PDE1A: variants seen among roughly 807,000 people sequenced by gnomAD.
PDE1A encodes phosphodiesterase 1A.
Under a neutral mutation model 61.7 loss-of-function variants are expected in PDE1A, and 35 were observed. The ratio of observed to expected loss-of-function variants is 0.57; its 90% confidence interval spans 0.43 to 0.75. The LOEUF (loss-of-function observed/expected upper bound fraction) is 0.75, where lower values mean the gene tolerates loss of function less well. Ranked by LOEUF, PDE1A falls within the 30% of genes least tolerant of loss-of-function variation. PDE1A has a pLI of 0.00. For synonymous variants in PDE1A, 232 were observed against 213.2 expected, an observed-to-expected ratio of 1.09 and a Z score of -0.77; for missense variants, 597 against 630.6, an observed-to-expected ratio of 0.95 and a Z score of 0.57.
intron 1 of PDE1A, among the ~76,000 whole-genome samples, chr2:182,319,089 T>C (rs1372512246): frequency 6.6e-6 from 1 of 152,134 alleles, no homozygotes; most frequent in Non-Finnish European, 1.5e-5. Context: ...TTTTCCCATT[T>C]CGGTAATTTT....
intron 2 of PDE1A, among the ~76,000 whole-genome samples, chr2:182,435,983 T>C (rs981955981): frequency 6.6e-6 from 1 of 152,042 alleles, no homozygotes; most frequent in Non-Finnish European, 1.5e-5. Flanking sequence ...TAGACAGCAA[T>C]AGAGATAATC....
downstream of PDE1A, among the ~76,000 whole-genome samples, chr2:182,166,925 T>C (rs1331462374): frequency 1.3e-5 from 2 of 152,172 alleles, no homozygotes; most frequent in Non-Finnish European, 2.9e-5. Flanking sequence ...TAAAAGATGA[T>C]GTAGGAAAGC....
chr2:182,387,890 T>G lies in PDE1A; in HGVS notation c.53+38688A>C, dbSNP rs76550357. ...ATTAAATTCTCCAATAGAAAGACAC[T>G]GAATGGTTGAATGGATAAAAAAAGA... On this transcript the variant is annotated intron_variant, in intron 1 of 13. Transcript: ENST00000351439. 5.8e-3 allele frequency among the ~76,000 whole-genome samples: 878 copies of G among 152,118 alleles called. 6 individuals carry two copies. The highest frequency in any genetic ancestry group is 0.019 in the African/African-American group (804 of 41,494).
the PDE1A span, among the ~76,000 whole-genome samples, chr2:182,540,716 A>T: frequency 6.6e-6 from 1 of 152,168 alleles, no homozygotes; most frequent in South Asian, 2.1e-4. Context: ...ATATGTACAC[A>T]GTTTGTCGAA....
chr2:182,661,872 G>A, the PDE1A span, among the ~76,000 whole-genome samples: 2 of 151,958 alleles, frequency 1.3e-5, no homozygotes, highest in Admixed American at 6.6e-5. Flanking sequence ...AAGACTTTAC[G>A]GAATTACATT....
intron 13 of PDE1A, among the ~76,000 whole-genome samples, chr2:182,177,753 TG>T (rs143017222): frequency 0.2 from 30,197 of 151,988 alleles, 3,181 homozygotes; most frequent in East Asian, 0.31. Flanking sequence ...ATGTCTTTTT[TG>T]TTGCTCAGTT....
chr2:182,701,453 T>A, the PDE1A span, among the ~76,000 whole-genome samples: 2 of 131,252 alleles, frequency 1.5e-5, no homozygotes, highest in Admixed American at 1.7e-4. Context: ...CCATCTCAGC[T>A]CAATGCAACT....
At chr2:182,701,717 C>T in the PDE1A span, among the ~76,000 whole-genome samples, 5 of 151,984 alleles carry the variant, frequency 3.3e-5, no homozygotes, top group Admixed American at 2.0e-4. Flanking sequence ...GACTAAAGTA[C>T]CAGATTTGTC....
At chr2:182,462,426 C>G (rs1011907351) in intron 2 of PDE1A, among the ~76,000 whole-genome samples, 21 of 151,886 alleles carry the variant, frequency 1.4e-4, no homozygotes, top group Non-Finnish European at 2.8e-4. Context: ...TCAGCACCCT[C>G]AAACCAGACT....
chr2:182,258,212 A>G (rs1318388568), intron 2 of PDE1A, among the ~76,000 whole-genome samples: 1 of 152,086 alleles, frequency 6.6e-6, no homozygotes, highest in East Asian at 1.9e-4. Context: ...AAAAGTAAGC[A>G]TCTATCACTA....
intron 2 of PDE1A, among the ~76,000 whole-genome samples, chr2:182,503,831 C>A (rs996923722): frequency 6.6e-6 from 1 of 152,070 alleles, no homozygotes; most frequent in Non-Finnish European, 1.5e-5. Context: ...AGGTAGGGAT[C>A]GTATCTGGAC....
intron 1 of PDE1A, among the ~76,000 whole-genome samples, chr2:182,335,428 A>G (rs1182646680): frequency 6.6e-6 from 1 of 152,226 alleles, no homozygotes; most frequent in Non-Finnish European, 1.5e-5. Context: ...TTTATAGACC[A>G]ATGGAACAGA....
intron 1 of PDE1A, among the ~76,000 whole-genome samples, chr2:182,292,580 A>G (rs569583762): frequency 9.2e-5 from 14 of 152,138 alleles, no homozygotes; most frequent in South Asian, 2.1e-4. Context: ...CTCAGAATCT[A>G]TTCTCATCAA....
At chr2:182,465,891 G>A (rs1686626970) in intron 2 of PDE1A, among the ~76,000 whole-genome samples, 2 of 151,884 alleles carry the variant, frequency 1.3e-5, no homozygotes, top group African/African-American at 4.8e-5. Context: ...TTACTTTTGT[G>A]GCCCCAGTGT....
Position 182,368,018 on chromosome 2 carries a change from T to C in PDE1A, c.53+58560A>G, listed in dbSNP as rs151203966. 2.9e-3 allele frequency among the ~76,000 whole-genome samples: 446 copies of C among 152,140 alleles called. 3 individuals carry two copies. Among genetic ancestry groups the C allele is most frequent in the African/African-American group, 0.01 (425 of 41,532 alleles). On this transcript the variant is annotated intron_variant, in intron 1 of 13. Transcript: ENST00000351439. ...ACACACAAAAGGAGAGAGGTTAATA[T>C]AATGAATTACCATACATCCACCACT...
chr2:182,262,177 C>A (rs888295269), intron 2 of PDE1A, among the ~76,000 whole-genome samples: 1 of 149,644 alleles, frequency 6.7e-6, no homozygotes, highest in South Asian at 2.2e-4. Context: ...CTTTCTTTCC[C>A]TTTCTTTCCT....
At chr2:182,197,846 C>T (rs1382933843) in intron 10 of PDE1A, among the ~76,000 whole-genome samples, 1 of 151,866 alleles carries the variant, frequency 6.6e-6, no homozygotes, top group Non-Finnish European at 1.5e-5. Flanking sequence ...TGTAAGTCCT[C>T]CAACTTCTTT....
chr2:182,584,423 C>T, the PDE1A span, among the ~76,000 whole-genome samples: 2 of 152,248 alleles, frequency 1.3e-5, no homozygotes, highest in East Asian at 3.8e-4. Flanking sequence ...TCTAGCTCTA[C>T]CGCTGACTAT....
intron 2 of PDE1A, among the ~76,000 whole-genome samples, chr2:182,456,404 C>T (rs1486206730): frequency 1.3e-5 from 2 of 152,052 alleles, no homozygotes; most frequent in Non-Finnish European, 2.9e-5. Flanking sequence ...TTTCATAGTG[C>T]TCCCCTTATT....
Sources: allele counts gnomAD v4.1 joint callset (sites outside exome capture counted in the v4.1 genomes callset), GRCh38; gene constraint gnomAD v4.1.1; transcripts MANE v1.5; gene names NCBI Gene and HGNC (gene_info 2026-07-23, HGNC 2026-07-21).